The following WWOX variants were observed in gnomAD, a reference collection of about 807,000 sequenced individuals.
WWOX encodes WW domain-containing oxidoreductase.
Under a neutral mutation model 46.2 loss-of-function variants are expected in WWOX, and 69 were observed. The observed-to-expected ratio is 1.49, with a 90% CI of 1.23 to 1.82. WWOX has a LOEUF of 1.82. WWOX is among the 40% of genes most tolerant of loss of function. The pLI is 0.00. For synonymous variants in WWOX, 359 were observed against 202.6 expected, an observed-to-expected ratio of 1.77 and a Z score of -6.56; for missense variants, 919 against 542.6, an observed-to-expected ratio of 1.69 and a Z score of -6.89.
At chr16:79,036,166 T>C (rs544654319) in intron 8 of WWOX, among the ~76,000 whole-genome samples, 1 of 152,312 alleles carries the variant, frequency 6.6e-6, no homozygotes, top group South Asian at 2.1e-4. Context: ...GGAGATTTCC[T>C]TGGGTCAGGT....
intron 8 of WWOX, among the ~76,000 whole-genome samples, chr16:78,609,011 G>A (rs752804050): frequency 1.3e-5 from 2 of 151,448 alleles, no homozygotes; most frequent in Admixed American, 1.3e-4. Context: ...CTTCATATTT[G>A]GGACCCTTTT....
intron 5 of WWOX, among the ~76,000 whole-genome samples, chr16:78,358,823 T>A (rs1350433766): frequency 6.6e-6 from 1 of 151,128 alleles, no homozygotes; most frequent in South Asian, 2.1e-4. Context: ...TCTGACTTTT[T>A]AAAATTCAAA....
chr16:78,240,904 GGA>G (rs143619998), intron 5 of WWOX, among the ~76,000 whole-genome samples: 10,399 of 152,118 alleles, frequency 0.068, 387 homozygotes, highest in Non-Finnish European at 0.083. Flanking sequence ...GGGCTGAGAG[GGA>G]GAGACTCCAA....
chr16:78,932,437 T>A (rs2045643793), intron 8 of WWOX, among the ~76,000 whole-genome samples: 1 of 152,222 alleles, frequency 6.6e-6, no homozygotes, highest in South Asian at 2.1e-4. Context: ...AGAGTTCTTT[T>A]TCACTTTGCC....
At chr16:78,354,790 G>A (rs1443565458) in intron 5 of WWOX, among the ~76,000 whole-genome samples, 1 of 152,138 alleles carries the variant, frequency 6.6e-6, no homozygotes, top group Non-Finnish European at 1.5e-5. Context: ...TAGATGGCCT[G>A]TCTTTAACAC....
chr16:78,266,580 G>A (rs969701366), intron 5 of WWOX, among the ~76,000 whole-genome samples: 3 of 152,142 alleles, frequency 2.0e-5, no homozygotes, highest in African/African-American at 7.2e-5. Flanking sequence ...CTTGAGTCTA[G>A]TCTTGGCTCT....
At chr16:78,211,329 T>G (rs2036553029) in intron 5 of WWOX, among the ~76,000 whole-genome samples, 1 of 152,174 alleles carries the variant, frequency 6.6e-6, no homozygotes. Context: ...TTTGAAGAGC[T>G]CTTTTCATTC....
intron 5 of WWOX, chr16:78,355,604 G>C (rs991175623): frequency 9.1e-6 from 5 of 547,136 alleles, no homozygotes; most frequent in Non-Finnish European, 1.8e-5. Context: ...CAGCCCAGAG[G>C]AGCGAATTTG....
At chr16:79,159,838 C>T (rs1157373785) in intron 8 of WWOX, among the ~76,000 whole-genome samples, 1 of 152,136 alleles carries the variant, frequency 6.6e-6, no homozygotes, top group Non-Finnish European at 1.5e-5. Flanking sequence ...ATTTATTTCT[C>T]CATTCTCGCC....
intron 8 of WWOX, among the ~76,000 whole-genome samples, chr16:78,739,988 C>G (rs548461675): frequency 6.6e-6 from 1 of 152,160 alleles, no homozygotes; most frequent in Non-Finnish European, 1.5e-5. Flanking sequence ...CCGGTGGAGA[C>G]ATTGCCTCAG....
chr16:78,822,974 T>C (rs533973896), intron 8 of WWOX, among the ~76,000 whole-genome samples: 1 of 152,268 alleles, frequency 6.6e-6, no homozygotes, highest in Admixed American at 6.5e-5. Flanking sequence ...AGGCTTCGTG[T>C]TGTTTGTAAA....
At chr16:78,226,858 C>T (rs2151803013) in intron 5 of WWOX, among the ~76,000 whole-genome samples, 1 of 152,276 alleles carries the variant, frequency 6.6e-6, no homozygotes, top group East Asian at 1.9e-4. Context: ...GGATTTCATC[C>T]AGATAGATTC....
chr16:78,795,004 G>GTTGGAGGC, intron 8 of WWOX, among the ~76,000 whole-genome samples: 1 of 152,332 alleles, frequency 6.6e-6, no homozygotes, highest in African/African-American at 2.4e-5. Flanking sequence ...AGTAATGGGA[G>GTTGGAGGC]TTGGAGGCTT....
At chr16:78,277,116 G>C (rs1344991387) in intron 5 of WWOX, among the ~76,000 whole-genome samples, 1 of 152,156 alleles carries the variant, frequency 6.6e-6, no homozygotes, top group Non-Finnish European at 1.5e-5. Context: ...AGGGCAAAGA[G>C]TTTGCTGTTG....
intron 8 of WWOX, among the ~76,000 whole-genome samples, chr16:78,548,713 A>G (rs922786609): frequency 1.3e-5 from 2 of 152,178 alleles, no homozygotes; most frequent in African/African-American, 4.8e-5. Context: ...AATTTTGGAG[A>G]TGAAATTATT....
At chr16:79,058,423 T>A (rs1356560704) in intron 8 of WWOX, among the ~76,000 whole-genome samples, 1 of 152,080 alleles carries the variant, frequency 6.6e-6, no homozygotes, top group African/African-American at 2.4e-5. Context: ...TGTTACCATT[T>A]ATTGAAAGGG....
chr16:78,547,981 G>A (rs569133176), intron 8 of WWOX, among the ~76,000 whole-genome samples: 185 of 151,788 alleles, frequency 1.2e-3, no homozygotes, highest in African/African-American at 3.9e-3. Flanking sequence ...GTGAAACCCC[G>A]TCTTTTCTAA....
At chr16:78,484,112 C>T (rs2084567388) in intron 8 of WWOX, among the ~76,000 whole-genome samples, 1 of 152,196 alleles carries the variant, frequency 6.6e-6, no homozygotes, top group African/African-American at 2.4e-5. Context: ...AACTTGAATA[C>T]ATTGTCTTTT....
chr16:79,140,104 A>T (rs2050061103), intron 8 of WWOX, among the ~76,000 whole-genome samples: 1 of 152,190 alleles, frequency 6.6e-6, no homozygotes. Flanking sequence ...TGTTGAGAAC[A>T]TTAAGCTCCT....
Sources: allele counts gnomAD v4.1 joint callset (sites outside exome capture counted in the v4.1 genomes callset), GRCh38; gene constraint gnomAD v4.1.1; transcripts MANE v1.5; gene names NCBI Gene and HGNC (gene_info 2026-07-23, HGNC 2026-07-21).